The following VPS26A variants were observed in gnomAD, a reference collection of about 807,000 sequenced individuals.
VPS26A encodes VPS26 retromer complex component A, also known as vacuolar protein sorting-associated protein 26A.
A neutral mutation model predicts 42.4 loss-of-function variants in VPS26A; 22 were observed. The ratio of observed to expected loss-of-function variants is 0.52; its 90% CI spans 0.37 to 0.74. The LOEUF (loss-of-function observed/expected upper bound fraction) is 0.74. Ranked by LOEUF, VPS26A falls within the 30% of genes least tolerant of loss-of-function variation. The pLI is 0.00. For missense variants in VPS26A, 276 were observed against 379.2 expected (o/e 0.73, Z 2.26); for synonymous variants, 110 against 123.5 (o/e 0.89, Z 0.73).
At chr10:69,132,752 G>T in intron 1 of VPS26A, 146 bp from the exon 2 acceptor site, 1 of 843,258 alleles carries the variant, frequency 1.2e-6, no homozygotes, top group Non-Finnish European at 1.7e-6. Flanking sequence ...CTTTGATGTA[G>T]CATTTGATAT....
chr10:69,125,644 C>T (rs1325279095), intron 1 of VPS26A, among the ~76,000 whole-genome samples: 1 of 152,090 alleles, frequency 6.6e-6, no homozygotes, highest in Non-Finnish European at 1.5e-5. Flanking sequence ...TGTTCAAGAG[C>T]AGTTTATATT....
intron 8 of VPS26A, among the ~76,000 whole-genome samples, chr10:69,170,735 A>G (rs1435747911): frequency 2.6e-5 from 4 of 152,242 alleles, no homozygotes; most frequent in South Asian, 2.1e-4. Context: ...CTAAAGAGCA[A>G]TCCAAGCAAT....
At chr10:69,167,000 G>A (rs924255580) in intron 7 of VPS26A, among the ~76,000 whole-genome samples, 2 of 151,904 alleles carry the variant, frequency 1.3e-5, no homozygotes, top group East Asian at 1.9e-4. Context: ...GGTGGTGCAC[G>A]TCTGTCATCC....
At position 69,171,225 on chromosome 10, in the gene VPS26A, G is replaced by C. The variant is rs1312391462; in HGVS notation, c.940G>C (p.Glu314Gln). The change falls in exon 9 of 9, where the codon GAA (glutamate) becomes CAA (glutamine). Residue 314 changes from glutamate (E) to glutamine (Q), a missense_variant. By Grantham distance (29) the Glu-to-Gln change is conservative (BLOSUM62 2). Coordinates refer to ENST00000263559, the MANE Select transcript of VPS26A (RefSeq NM_004896.5). Reference sequence around the variant, plus strand: ...GAGAACAAACTTTCACCAGCGATTTGAATCTCCAGAATCACAGGCATCTGC... The same window carrying C: ...GAGAACAAACTTTCACCAGCGATTTCAATCTCCAGAATCACAGGCATCTGC... Reference protein sequence around the residue: ...KQRTNFHQRFESPESQASAEQ... With the variant: ...KQRTNFHQRFQSPESQASAEQ... 35 of 1,613,740 alleles carry C rather than the reference G, an allele frequency of 2.2e-5. No homozygotes were observed. The highest frequency in any genetic ancestry group is 2.9e-5 in the Non-Finnish European group (34 of 1,179,950).
intron 2 of VPS26A, among the ~76,000 whole-genome samples, chr10:69,155,344 T>G (rs1232373990): frequency 6.6e-6 from 1 of 152,216 alleles, no homozygotes; most frequent in East Asian, 1.9e-4. Context: ...GACAAATTTC[T>G]GAGCATTGTC....
At chr10:69,132,020 A>C (rs1332732553) in intron 1 of VPS26A, among the ~76,000 whole-genome samples, 2 of 152,226 alleles carry the variant, frequency 1.3e-5, no homozygotes, top group Non-Finnish European at 2.9e-5. Flanking sequence ...AAATTCACAG[A>C]AATTTTATTT....
chr10:69,158,583 TTTC>T (rs1467756485), intron 5 of VPS26A, among the ~76,000 whole-genome samples: 1 of 152,132 alleles, frequency 6.6e-6, no homozygotes, highest in African/African-American at 2.4e-5. Context: ...TTGTATATCA[TTTC>T]TTGGGGGGAG....
chr10:69,160,450 G>C (rs756454580), intron 5 of VPS26A, among the ~76,000 whole-genome samples: 1 of 147,328 alleles, frequency 6.8e-6, no homozygotes, highest in Non-Finnish European at 1.5e-5. Context: ...GAGCCACCGC[G>C]CCCAACATAT....
intron 2 of VPS26A, 28 bp from the exon 3 acceptor site, chr10:69,155,784 C>T: frequency 6.3e-7 from 1 of 1,585,740 alleles, no homozygotes; most frequent in Non-Finnish European, 8.6e-7. Context: ...GGATTGTTAA[C>T]ATCTCTTATA....
intron 7 of VPS26A, among the ~76,000 whole-genome samples, chr10:69,167,830 G>A (rs1415131036): frequency 1.3e-5 from 2 of 151,064 alleles, no homozygotes; most frequent in East Asian, 3.9e-4. Context: ...AGTCTTTTTG[G>A]TAATAAAAGA....
chr10:69,168,656 T>C, intron 8 of VPS26A, 25 bp downstream of exon 8: 1 of 1,609,002 alleles, frequency 6.2e-7, no homozygotes, highest in South Asian at 1.1e-5. Context: ...GGGCTGGTAT[T>C]ATGTTCTGCG....
At chr10:69,154,094 A>G (rs985178938) in intron 2 of VPS26A, among the ~76,000 whole-genome samples, 2 of 152,216 alleles carry the variant, frequency 1.3e-5, no homozygotes, top group African/African-American at 2.4e-5. Flanking sequence ...CCTGACTCCC[A>G]TGCCAAGCAA....
At chr10:69,164,490 T>C (rs1025328179) in intron 6 of VPS26A, among the ~76,000 whole-genome samples, 1 of 152,220 alleles carries the variant, frequency 6.6e-6, no homozygotes, top group African/African-American at 2.4e-5. Flanking sequence ...TTGCTGGGTT[T>C]ACAGGTGTGA....
At chr10:69,131,122 A>G (rs992615629) in intron 1 of VPS26A, among the ~76,000 whole-genome samples, 1 of 152,076 alleles carries the variant, frequency 6.6e-6, no homozygotes. Flanking sequence ...AGTAGCTGGG[A>G]CTGCAGGCAT....
rs528981719 is a variant in VPS26A at position 69,167,484 on chromosome 10, CCAG to C, written c.728-1002_728-1000del. ...GGCGCGGTGGCTCACGCCTGTAATC[CCAG>C]CACTTTGGGAGGCCAAGGTGGGTGG... On this transcript the variant is annotated intron_variant, in intron 7 of 8. Transcript: ENST00000263559. 2.3e-3 allele frequency among the ~76,000 whole-genome samples: 343 copies of C among 151,314 alleles called. 1 individual carries two copies. Among genetic ancestry groups the C allele is most frequent in the Admixed American group, 6.8e-3 (103 of 15,216 alleles).
At chr10:69,124,352 G>A (rs1490818053) in intron 1 of VPS26A, 72 bp downstream of exon 1, 4 of 1,223,252 alleles carry the variant, frequency 3.3e-6, no homozygotes, top group Admixed American at 4.4e-5. Context: ...GGCCAACCGC[G>A]GGCCGGGCGT....
At chr10:69,166,195 G>GT in intron 7 of VPS26A, 85 bp downstream of exon 7, 1 of 1,277,350 alleles carries the variant, frequency 7.8e-7, no homozygotes, top group Non-Finnish European at 1.1e-6. Context: ...TAGTGTGAAA[G>GT]TATCTTTGAA....
chr10:69,130,500 T>C (rs1341552240), intron 1 of VPS26A, among the ~76,000 whole-genome samples: 1 of 152,264 alleles, frequency 6.6e-6, no homozygotes, highest in African/African-American at 2.4e-5. Flanking sequence ...GTGTCAGATA[T>C]ATGTAGACCA....
intron 2 of VPS26A, among the ~76,000 whole-genome samples, chr10:69,146,364 C>T (rs1031838840): frequency 6.6e-5 from 10 of 152,226 alleles, no homozygotes; most frequent in African/African-American, 2.4e-4. Flanking sequence ...GAATTATAGG[C>T]GTGAGCCACC....
Sources: allele counts gnomAD v4.1 joint callset (sites outside exome capture counted in the v4.1 genomes callset), GRCh38; gene constraint gnomAD v4.1.1; transcripts MANE v1.5; gene names NCBI Gene and HGNC (gene_info 2026-07-23, HGNC 2026-07-21).